PPFIA2: variants seen among roughly 807,000 people sequenced by gnomAD.
PPFIA2 encodes the protein liprin-alpha-2.
A neutral mutation model predicts 175.5 loss-of-function variants in PPFIA2; 46 were observed. That is an observed-to-expected ratio of 0.26 (90% confidence interval 0.21 to 0.34). The LOEUF (loss-of-function observed/expected upper bound fraction) is 0.34. PPFIA2 is among the 10% of genes least tolerant of loss of function. PPFIA2 has a pLI of 1.00. For missense variants in PPFIA2, 1,179 were observed against 1,506.1 expected, an observed-to-expected ratio of 0.78 and a Z score of 3.60; for synonymous variants, 568 against 511.4, an observed-to-expected ratio of 1.11 and a Z score of -1.49.
At chr12:81,392,985 T>C (rs1468772290) in intron 8 of PPFIA2, among the ~76,000 whole-genome samples, 1 of 152,020 alleles carries the variant, frequency 6.6e-6, no homozygotes, top group African/African-American at 2.4e-5. Flanking sequence ...TTGTCACCCT[T>C]GTCTGGGTCA....
intron 21 of PPFIA2, among the ~76,000 whole-genome samples, chr12:81,334,775 A>G (rs761919269): frequency 5.3e-4 from 81 of 152,304 alleles, no homozygotes; most frequent in Non-Finnish European, 1.1e-3. Context: ...GATGGATGGC[A>G]TTCCTGCCAC....
intron 22 of PPFIA2, among the ~76,000 whole-genome samples, chr12:81,300,670 C>G (rs190436272): frequency 6.6e-6 from 1 of 152,170 alleles, no homozygotes; most frequent in East Asian, 1.9e-4. Context: ...AACAGCGATA[C>G]TCGTGCTCTG....
chr12:81,685,319 G>T (rs756859382), intron 3 of PPFIA2, among the ~76,000 whole-genome samples: 6 of 151,934 alleles, frequency 3.9e-5, no homozygotes, highest in Admixed American at 6.6e-5. Context: ...ACATTATAGG[G>T]TAAATTTCCT....
intron 27 of PPFIA2, among the ~76,000 whole-genome samples, chr12:81,278,079 A>T (rs1309201704): frequency 6.6e-6 from 1 of 152,216 alleles, no homozygotes; most frequent in African/African-American, 2.4e-5. Flanking sequence ...GTGGTTAGCG[A>T]GACACACATT....
At chr12:81,529,761 GT>G (rs1364909945) in intron 4 of PPFIA2, among the ~76,000 whole-genome samples, 1 of 151,916 alleles carries the variant, frequency 6.6e-6, no homozygotes, top group Non-Finnish European at 1.5e-5. Flanking sequence ...TGCTAAATAT[GT>G]TTTTTACACT....
intron 3 of PPFIA2, among the ~76,000 whole-genome samples, chr12:81,743,722 C>T (rs994759235): frequency 2.0e-4 from 31 of 151,940 alleles, no homozygotes; most frequent in African/African-American, 7.5e-4. Context: ...GGATAAAAGG[C>T]AATAAGATCA....
chr12:81,594,468 G>A (rs933205398), intron 4 of PPFIA2, among the ~76,000 whole-genome samples: 1 of 152,148 alleles, frequency 6.6e-6, no homozygotes, highest in South Asian at 2.1e-4. Flanking sequence ...CCTTCTATCA[G>A]AAATTATTCC....
chr12:81,366,374 A>G (rs1315060146), intron 14 of PPFIA2, among the ~76,000 whole-genome samples: 1 of 151,686 alleles, frequency 6.6e-6, no homozygotes, highest in Admixed American at 6.6e-5. Context: ...ATTATTTAAA[A>G]TGTCACACTC....
rs2076253243 is a variant in PPFIA2, at chr12:81,699,440, T to C, written c.250-22596A>G. ...GTTTTTTCACCATTTATCATAAAAA[T>C]TTTATGTAACCAAAATTATGTAGTG... On this transcript the variant is annotated intron_variant, in intron 3 of 32. Transcript: ENST00000549396. Among the ~76,000 whole-genome samples the C allele has an allele frequency of 2.6e-5, 4 of 151,850 alleles. No homozygotes were observed. The South Asian group carries it at 8.3e-4, about 32-fold the overall frequency.
chr12:81,611,403 C>T (rs1215973575), intron 4 of PPFIA2, among the ~76,000 whole-genome samples: 1 of 152,174 alleles, frequency 6.6e-6, no homozygotes, highest in African/African-American at 2.4e-5. Context: ...CTGGCCGCAG[C>T]ACTGAGCTCT....
At chr12:81,279,985 T>A (rs12832767) in intron 27 of PPFIA2, among the ~76,000 whole-genome samples, 65,395 of 151,996 alleles carry the variant, frequency 0.43, 14,968 homozygotes, top group Non-Finnish European at 0.52. Flanking sequence ...ATAATAATGA[T>A]CTTAAAACCT....
rs557074600 is a variant in PPFIA2 at position 81,295,459 on chromosome 12, T to A, written c.2725-424A>T. ...TGGAATTCTGAGTGAAGAGAAATTCTGTCACAGAACGAGACAGCTGTGCCA... is the reference window on the plus strand; with the variant it reads ...TGGAATTCTGAGTGAAGAGAAATTCAGTCACAGAACGAGACAGCTGTGCCA... On this transcript the variant is annotated intron_variant, in intron 23 of 32. Coordinates refer to ENST00000549396, the MANE Select transcript of PPFIA2 (RefSeq NM_003625.5). Among the ~76,000 whole-genome samples, 147 of 152,282 alleles carry A rather than the reference T, an allele frequency of 9.7e-4. 1 individual carries two copies. Among genetic ancestry groups the A allele is most frequent in the African/African-American group, 3.3e-3 (138 of 41,588 alleles).
intron 7 of PPFIA2, among the ~76,000 whole-genome samples, chr12:81,422,063 TAC>T (rs1027575267): frequency 6.7e-6 from 1 of 149,816 alleles, no homozygotes; most frequent in Non-Finnish European, 1.5e-5. Flanking sequence ...CATATATATA[TAC>T]GTGTGTGTGT....
At chr12:81,650,881 A>G (rs1187523569) in intron 4 of PPFIA2, among the ~76,000 whole-genome samples, 3 of 152,214 alleles carry the variant, frequency 2.0e-5, no homozygotes, top group African/African-American at 7.2e-5. Context: ...AGCTCACTGA[A>G]TACAGTGGGA....
At chr12:81,368,886 C>T (rs2034309163) in intron 12 of PPFIA2, 30 bp from the exon 13 acceptor site, 2 of 1,584,724 alleles carry the variant, frequency 1.3e-6, no homozygotes, top group South Asian at 2.3e-5. Flanking sequence ...CATAAAAATC[C>T]ATTCAAAAAC....
chr12:81,468,459 A>G lies in PPFIA2; in HGVS notation c.304-10593T>C, dbSNP rs538496692. On this transcript the variant is annotated intron_variant, in intron 4 of 32. Transcript: ENST00000549396. ...GAAAAGCCAATTTTCAACAGCTCTG[A>G]CAGTGTAAAGCAGGAGGCATGTTTG... Among the ~76,000 whole-genome samples, 3 of 152,348 alleles carry G rather than the reference A, an allele frequency of 2.0e-5. No homozygotes were observed. The East Asian group carries it at 5.8e-4, about 29-fold the overall frequency.
chr12:81,267,292 TTGAG>T (rs775512121), intron 29 of PPFIA2: 8 of 482,866 alleles, frequency 1.7e-5, no homozygotes, highest in Admixed American at 3.1e-5. Context: ...TATATTTCAA[TTGAG>T]TATTTTGTTT....
rs368148175 is a variant in PPFIA2 at position 81,639,268 on chromosome 12, CT to C, written c.303+37522del. ...CTTAACTAGCATCAATTTCCCCCTGCTTTTTTTTCTTTTAAAACATGTTGCT... is the reference window on the plus strand; with the variant it reads ...CTTAACTAGCATCAATTTCCCCCTGCTTTTTTTCTTTTAAAACATGTTGCT... On this transcript the variant is annotated intron_variant, in intron 4 of 32. Coordinates refer to ENST00000549396, the MANE Select transcript of PPFIA2 (RefSeq NM_003625.5). Among the ~76,000 whole-genome samples, 690 of 151,960 alleles carry C rather than the reference CT, an allele frequency of 4.5e-3. 4 individuals carry two copies. Among genetic ancestry groups the C allele is most frequent in the African/African-American group, 0.015 (631 of 41,452 alleles).
At chr12:81,397,935 TA>T (rs1288700820) in intron 8 of PPFIA2, among the ~76,000 whole-genome samples, 3 of 151,954 alleles carry the variant, frequency 2.0e-5, no homozygotes, top group Admixed American at 6.6e-5. Flanking sequence ...TATGAGAATC[TA>T]ATGCCTGACT....
Sources: gnomAD v4.1 joint callset for allele counts (sites outside exome capture counted in the v4.1 genomes callset) on GRCh38, gnomAD v4.1.1 for gene constraint, MANE v1.5 for transcripts, NCBI Gene and HGNC (gene_info 2026-07-23, HGNC 2026-07-21) for gene names.